Variants in GRIK3 observed in about 807,000 individuals in gnomAD.
The protein encoded by GRIK3 is glutamate ionotropic receptor kainate type subunit 3.
GRIK3 carries 29 observed loss-of-function variants against 102.5 expected under a neutral mutation model. The ratio of observed to expected loss-of-function variants is 0.28; its 90% CI spans 0.21 to 0.39. GRIK3 has a LOEUF of 0.39. Ranked by LOEUF, GRIK3 falls within the 10% of genes least tolerant of loss-of-function variation. The pLI is 1.00. For missense variants in GRIK3, 908 were observed against 1,252.4 expected, an observed-to-expected ratio of 0.73 and a Z score of 4.15; for synonymous variants, 511 against 504.9, an observed-to-expected ratio of 1.01 and a Z score of -0.16.
chr1:37,033,844 G>C, intron 1 of GRIK3, 150 bp downstream of exon 1: 2 of 510,306 alleles, frequency 3.9e-6, no homozygotes, highest in Non-Finnish European at 3.5e-6. Flanking sequence ...CTGGAACTTT[G>C]TCCTCACAGG....
chr1:37,030,560 A>ACCCCCCCC (rs1642816120), intron 1 of GRIK3, among the ~76,000 whole-genome samples: 1 of 16,258 alleles, frequency 6.2e-5, no homozygotes, highest in African/African-American at 2.9e-4. Flanking sequence ...CCCCCCCCCA[A>ACCCCCCCC]CACCTGCTTT....
chr1:36,921,761 G>A (rs1241232511), intron 1 of GRIK3, among the ~76,000 whole-genome samples: 1 of 151,986 alleles, frequency 6.6e-6, no homozygotes, highest in Non-Finnish European at 1.5e-5. Flanking sequence ...CTGTCGATGT[G>A]TCTTAGATTT....
intron 7 of GRIK3, among the ~76,000 whole-genome samples, chr1:36,858,414 C>T (rs1179127183): frequency 6.6e-6 from 1 of 152,204 alleles, no homozygotes; most frequent in Admixed American, 6.5e-5. Context: ...GCCCTGCCAT[C>T]CAAAGCTTAC....
At chr1:36,998,228 G>C (rs1207320543) in intron 1 of GRIK3, among the ~76,000 whole-genome samples, 1 of 152,214 alleles carries the variant, frequency 6.6e-6, no homozygotes, top group Non-Finnish European at 1.5e-5. Context: ...TGGCTAAAAT[G>C]CAGCTGCCTT....
intron 1 of GRIK3, among the ~76,000 whole-genome samples, chr1:36,941,426 G>A (rs1641717924): frequency 6.6e-6 from 1 of 152,320 alleles, no homozygotes; most frequent in South Asian, 2.1e-4. Flanking sequence ...GAATGTCAGG[G>A]AAAGGGAATC....
chr1:36,864,047 A>G (rs1038768175), intron 5 of GRIK3, among the ~76,000 whole-genome samples: 2 of 152,158 alleles, frequency 1.3e-5, no homozygotes, highest in African/African-American at 2.4e-5. Context: ...TCCCCATGAT[A>G]TAAGTGTTAT....
At chr1:36,967,849 A>G (rs997508236) in intron 1 of GRIK3, among the ~76,000 whole-genome samples, 2 of 152,224 alleles carry the variant, frequency 1.3e-5, no homozygotes, top group African/African-American at 4.8e-5. Context: ...GATAATTGAG[A>G]TAACAGATCT....
At chr1:37,030,470 A>T (rs1642811703) in intron 1 of GRIK3, among the ~76,000 whole-genome samples, 1 of 151,818 alleles carries the variant, frequency 6.6e-6, no homozygotes, top group African/African-American at 2.4e-5. Context: ...AGGACCTTGC[A>T]GCTCAGTTCT....
Position 36,806,563 on chromosome 1 carries a change from C to T in GRIK3, c.2092-237G>A, listed in dbSNP as rs940550930. On this transcript the variant is annotated intron_variant, in intron 13 of 15. Transcript: ENST00000373091. This position sits in a 1 kb window ranked among gnomAD's most constrained non-coding sequence, Gnocchi z 4.0. ...AGACTCAGGCCTGCTTCCTGGAAACCCTGGCCATGGCACAAGTGGTCTTCA... is the reference window on the plus strand; with the variant it reads ...AGACTCAGGCCTGCTTCCTGGAAACTCTGGCCATGGCACAAGTGGTCTTCA... Among the ~76,000 whole-genome samples, 10 of 152,182 alleles carry T rather than the reference C, an allele frequency of 6.6e-5. No homozygotes were observed. The highest frequency in any genetic ancestry group is 3.3e-4 in the Admixed American group (5 of 15,290).
chr1:36,805,936 C>CAAAAAAAAAAAAAAAAAA (rs749853809), intron 14 of GRIK3, among the ~76,000 whole-genome samples, 168 bp downstream of exon 14: 3 of 31,598 alleles, frequency 9.5e-5, no homozygotes, highest in African/African-American at 1.3e-4. Flanking sequence ...AACTCCACCT[C>CAAAAAAAAAAAAAAAAAA]AAAAAAAAAA....
intron 1 of GRIK3, among the ~76,000 whole-genome samples, chr1:36,904,305 C>T (rs1236883899): frequency 6.6e-6 from 1 of 152,190 alleles, no homozygotes; most frequent in Non-Finnish European, 1.5e-5. Flanking sequence ...TAAAACAAGA[C>T]AAGAAGAATT....
intron 1 of GRIK3, among the ~76,000 whole-genome samples, 171 bp from the exon 2 acceptor site, chr1:36,891,267 ATCC>A (rs1363015107): frequency 6.6e-6 from 1 of 152,188 alleles, no homozygotes; most frequent in East Asian, 1.9e-4. Flanking sequence ...AAATAGGAAA[ATCC>A]TCCTCATTCA....
chr1:36,864,891 CTGTACACTGTGAACTGTGTG>C (rs1057500373), intron 5 of GRIK3, among the ~76,000 whole-genome samples: 1 of 151,558 alleles, frequency 6.6e-6, no homozygotes, highest in Non-Finnish European at 1.5e-5. Flanking sequence ...ACCCCAAGTG[CTGTACACTGTGAACTGTGTG>C]CAACCTTGCT....
intron 12 of GRIK3, 104 bp from the exon 13 acceptor site, chr1:36,817,381 C>T: frequency 7.7e-6 from 6 of 774,226 alleles, no homozygotes; most frequent in South Asian, 6.8e-5. Context: ...AAAGCTAAGG[C>T]CCTTTCCCAA....
rs1281325341 is a variant in GRIK3, at chr1:36,999,099, T to C, written c.115+34895A>G. Among the ~76,000 whole-genome samples the C allele has an allele frequency of 2.6e-5, 4 of 151,606 alleles. No individual in the cohort carries two copies. The South Asian group carries it at 8.4e-4, about 32-fold the overall frequency. On this transcript the variant is annotated intron_variant, in intron 1 of 15. Coordinates refer to ENST00000373091, the MANE Select transcript of GRIK3 (RefSeq NM_000831.4). ...TGGGAGGGTGGCTCAGGGGAACAGA[T>C]GGGGCATGGAGTAGAGTGGAAGGTT...
chr1:36,984,971 G>A (rs1031267342), intron 1 of GRIK3, among the ~76,000 whole-genome samples: 17 of 152,220 alleles, frequency 1.1e-4, no homozygotes, highest in Non-Finnish European at 2.2e-4. Context: ...GATGTGGCTT[G>A]AAGCCTGGGC....
intron 1 of GRIK3, among the ~76,000 whole-genome samples, chr1:36,985,964 G>C (rs1253983811): frequency 3.3e-5 from 5 of 152,168 alleles, no homozygotes; most frequent in Non-Finnish European, 5.9e-5. Flanking sequence ...CTTGTAAGGA[G>C]TGTAGGGGCA....
intron 1 of GRIK3, among the ~76,000 whole-genome samples, chr1:36,995,171 C>T (rs1642407002): frequency 6.6e-6 from 1 of 152,154 alleles, no homozygotes; most frequent in Admixed American, 6.5e-5. Context: ...CAATTTCCCA[C>T]AATTTGACAC....
intron 1 of GRIK3, among the ~76,000 whole-genome samples, chr1:37,003,252 G>A (rs1320716409): frequency 1.3e-5 from 2 of 152,108 alleles, no homozygotes; most frequent in African/African-American, 4.8e-5. Flanking sequence ...AATGAAAAGT[G>A]AGCTATCATA....
Sources: gnomAD v4.1 joint callset for allele counts (sites outside exome capture counted in the v4.1 genomes callset) on GRCh38, gnomAD v4.1.1 for gene constraint, Gnocchi (gnomAD v3.1) non-coding constraint, MANE v1.5 for transcripts, NCBI Gene and HGNC (gene_info 2026-07-23, HGNC 2026-07-21) for gene names.